Variants in CCDC30 observed in about 807,000 individuals in gnomAD.
The protein encoded by CCDC30 is coiled-coil domain-containing protein 30.
A neutral mutation model predicts 100.2 loss-of-function variants in CCDC30; 70 were observed. The ratio of observed to expected loss-of-function variants is 0.70; its 90% CI spans 0.58 to 0.85. The LOEUF (loss-of-function observed/expected upper bound fraction) is 0.85. Among genes scored for constraint, CCDC30 ranks in the 40% least tolerant of loss-of-function variants. CCDC30 has a pLI of 0.00. For synonymous variants in CCDC30, 233 were observed against 269.5 expected, an observed-to-expected ratio of 0.86 and a Z score of 1.33; for missense variants, 652 against 771.2, an observed-to-expected ratio of 0.85 and a Z score of 1.83.
At chr1:42,569,356 G>A (rs1645681318) in intron 7 of CCDC30, among the ~76,000 whole-genome samples, 1 of 152,178 alleles carries the variant, frequency 6.6e-6, no homozygotes, top group African/African-American at 2.4e-5. Flanking sequence ...CATTTATGCA[G>A]CCAGCAAACA....
At chr1:42,526,370 GTCTA>G (rs1644724802) in intron 6 of CCDC30, among the ~76,000 whole-genome samples, 1 of 151,740 alleles carries the variant, frequency 6.6e-6, no homozygotes. Flanking sequence ...TGTTTTTCAT[GTCTA>G]TTTTTTTGTT....
chr1:42,580,255 T>C (rs986740541), intron 8 of CCDC30, among the ~76,000 whole-genome samples: 1 of 152,234 alleles, frequency 6.6e-6, no homozygotes, highest in African/African-American at 2.4e-5. Flanking sequence ...CTCAGATGGC[T>C]GGCTGCCTAC....
chr1:42,629,969 ATTTTTTTTTTT>A (rs4019432), intron 11 of CCDC30, among the ~76,000 whole-genome samples: 1 of 90,146 alleles, frequency 1.1e-5, no homozygotes, highest in East Asian at 3.1e-4. Flanking sequence ...ATGTCCCCCT[ATTTTTTTTTTT>A]TTTTTTTTTT....
chr1:42,577,765 C>T (rs950750015), intron 8 of CCDC30, among the ~76,000 whole-genome samples: 17 of 151,966 alleles, frequency 1.1e-4, no homozygotes, highest in African/African-American at 3.9e-4. Context: ...CTCAGCCTCC[C>T]AAGTAGCTGG....
At chr1:42,457,379 A>G in the CCDC30 span, 1 of 1,575,360 alleles carries the variant, frequency 6.3e-7, no homozygotes, top group Non-Finnish European at 8.7e-7. Flanking sequence ...CCAGAGATCT[A>G]ATCCCATATA....
chr1:42,507,494 C>T (rs1232511584), intron 6 of CCDC30, among the ~76,000 whole-genome samples: 1 of 152,132 alleles, frequency 6.6e-6, no homozygotes, highest in Non-Finnish European at 1.5e-5. Flanking sequence ...TCAGCTTTAT[C>T]TTATCTAATT....
chr1:42,473,490 T>C (rs376553411), intron 1 of CCDC30: 2 of 388,674 alleles, frequency 5.1e-6, no homozygotes, highest in Admixed American at 4.5e-5. Flanking sequence ...TAAGACTCCA[T>C]GTATAGGATG....
intron 7 of CCDC30, among the ~76,000 whole-genome samples, chr1:42,571,924 C>T (rs1645741452): frequency 6.6e-6 from 1 of 152,152 alleles, no homozygotes; most frequent in African/African-American, 2.4e-5. Flanking sequence ...TATGTTCAGT[C>T]AATGAATTTC....
At chr1:42,536,963 C>G (rs759391407) in intron 6 of CCDC30, 1 of 353,246 alleles carries the variant, frequency 2.8e-6, no homozygotes, top group Admixed American at 4.1e-5. Context: ...CTCATTTGAC[C>G]TTTATCACCT....
intron 12 of CCDC30, among the ~76,000 whole-genome samples, chr1:42,638,408 G>C (rs1219428385): frequency 2.6e-5 from 4 of 151,812 alleles, no homozygotes; most frequent in African/African-American, 9.7e-5. Context: ...ACTATAGTGA[G>C]AGAAGAAAAA....
intron 1 of CCDC30, among the ~76,000 whole-genome samples, chr1:42,479,778 C>T (rs1305658254): frequency 1.3e-5 from 2 of 152,054 alleles, no homozygotes; most frequent in Admixed American, 6.6e-5. Context: ...GGGTTACTCT[C>T]AAGAATAGAA....
intron 3 of CCDC30, among the ~76,000 whole-genome samples, chr1:42,488,331 T>A (rs1364851063): frequency 6.6e-6 from 1 of 152,114 alleles, no homozygotes; most frequent in Non-Finnish European, 1.5e-5. Flanking sequence ...TTCTTTCTTT[T>A]TTTAGAGACA....
chr1:42,636,353 C>T (rs1341929142), intron 11 of CCDC30, among the ~76,000 whole-genome samples: 2 of 152,000 alleles, frequency 1.3e-5, no homozygotes, highest in African/African-American at 2.4e-5. Context: ...ATGTAGTGAG[C>T]CATGATTGTA....
At chr1:42,592,332 T>C (rs1439960346) in intron 10 of CCDC30, 2 of 152,122 alleles carry the variant, frequency 1.3e-5, no homozygotes, top group African/African-American at 4.8e-5. Flanking sequence ...TGTGTTTGGG[T>C]CATTGGAGTG....
chr1:42,503,477 TG>T (rs1644351262), intron 6 of CCDC30, among the ~76,000 whole-genome samples: 1 of 152,130 alleles, frequency 6.6e-6, no homozygotes, highest in Non-Finnish European at 1.5e-5. Flanking sequence ...ACATAGCATG[TG>T]GGGAAGGCTT....
At chr1:42,562,799 G>C (rs551600954) in intron 6 of CCDC30, among the ~76,000 whole-genome samples, 5 of 152,292 alleles carry the variant, frequency 3.3e-5, no homozygotes, top group African/African-American at 1.2e-4. Flanking sequence ...TGAAGGATAT[G>C]AACAGACACT....
intron 6 of CCDC30, among the ~76,000 whole-genome samples, chr1:42,502,627 G>T (rs1335461423): frequency 6.6e-6 from 1 of 152,064 alleles, no homozygotes; most frequent in Admixed American, 6.5e-5. Context: ...ATTCTTGTCA[G>T]GAAATTTTTA....
At chr1:42,648,430 G>A (rs1411228482) in intron 15 of CCDC30, among the ~76,000 whole-genome samples, 1 of 152,120 alleles carries the variant, frequency 6.6e-6, no homozygotes, top group Non-Finnish European at 1.5e-5. Flanking sequence ...CAGCACTTTG[G>A]GAGGCCAAGG....
At chr1:42,612,161 T>C (rs1326455978) in intron 11 of CCDC30, among the ~76,000 whole-genome samples, 1 of 152,242 alleles carries the variant, frequency 6.6e-6, no homozygotes, top group African/African-American at 2.4e-5. Flanking sequence ...TTTGTTGCTA[T>C]AGTCTTCAAA....
Sources: allele counts gnomAD v4.1 joint callset (sites outside exome capture counted in the v4.1 genomes callset), GRCh38; gene constraint gnomAD v4.1.1; transcripts MANE v1.5; gene names NCBI Gene and HGNC (gene_info 2026-07-23, HGNC 2026-07-21).